Variants in GPC5 observed in about 807,000 individuals in gnomAD.
The protein encoded by GPC5 is glypican-5.
Under a neutral mutation model 53.9 loss-of-function variants are expected in GPC5, and 47 were observed. The observed-to-expected ratio is 0.87, with a 90% CI of 0.69 to 1.11. The LOEUF (loss-of-function observed/expected upper bound fraction) is 1.11. GPC5 is among the 50% of genes most tolerant of loss of function. The pLI is 0.00. For synonymous variants in GPC5, 286 were observed against 263.3 expected (o/e 1.09, Z -0.84); for missense variants, 748 against 713.1 (o/e 1.05, Z -0.56).
intron 6 of GPC5, among the ~76,000 whole-genome samples, chr13:92,093,805 T>A (rs1213684759): frequency 6.6e-6 from 1 of 152,202 alleles, no homozygotes; most frequent in Non-Finnish European, 1.5e-5. Flanking sequence ...AGAAAATGAA[T>A]CACTGAGAGT....
At chr13:91,408,467 G>C (rs1000463300) in intron 1 of GPC5, among the ~76,000 whole-genome samples, 3 of 151,980 alleles carry the variant, frequency 2.0e-5, no homozygotes, top group African/African-American at 7.3e-5. Context: ...TGGATACCTA[G>C]GTTTATCTAG....
intron 2 of GPC5, among the ~76,000 whole-genome samples, chr13:91,670,996 A>T (rs1337355041): frequency 1.3e-5 from 2 of 152,210 alleles, no homozygotes; most frequent in East Asian, 3.8e-4. Context: ...TTCATGTTTG[A>T]CATTGGTAAA....
chr13:92,283,957 G>A (rs946249790), intron 7 of GPC5, among the ~76,000 whole-genome samples: 14 of 152,254 alleles, frequency 9.2e-5, no homozygotes, highest in Admixed American at 8.5e-4. Flanking sequence ...CCAGGATCTG[G>A]TTTTTTGAAA....
At chr13:91,657,099 A>G (rs2034864240) in intron 2 of GPC5, among the ~76,000 whole-genome samples, 1 of 152,162 alleles carries the variant, frequency 6.6e-6, no homozygotes, top group Non-Finnish European at 1.5e-5. Flanking sequence ...GTTTTAAGCA[A>G]GGACATGATA....
intron 7 of GPC5, among the ~76,000 whole-genome samples, chr13:92,543,413 T>C (rs1369193279): frequency 1.6e-5 from 2 of 128,580 alleles, no homozygotes; most frequent in East Asian, 4.0e-4. Flanking sequence ...TTCCTTAAAA[T>C]ATTTATTTTG....
chr13:91,755,433 C>A (rs1013533237), intron 4 of GPC5, among the ~76,000 whole-genome samples: 1 of 152,018 alleles, frequency 6.6e-6, no homozygotes, highest in Non-Finnish European at 1.5e-5. Context: ...TAGGGCTTTT[C>A]ATTTCTTTTT....
chr13:91,615,426 A>G (rs146893546), intron 2 of GPC5, among the ~76,000 whole-genome samples: 1 of 152,170 alleles, frequency 6.6e-6, no homozygotes, highest in Non-Finnish European at 1.5e-5. Context: ...GACAAGAAAA[A>G]AAATCACCTT....
At position 91,497,308 on chromosome 13, in the gene GPC5, A is replaced by AT. The variant is rs10551030; in HGVS notation, c.325+48397dup. Among the ~76,000 whole-genome samples, 480 of 149,570 alleles carry AT rather than the reference A, an allele frequency of 3.2e-3. 3 individuals are homozygous for AT. Among genetic ancestry groups the AT allele is most frequent in the African/African-American group, 0.011 (441 of 40,278 alleles). Reference sequence around the variant, plus strand: ...GTCAGATATAGTTTATGCTTCAGATATTTTTTTTTTTAAACCAGTGAATTT... The same window carrying AT: ...GTCAGATATAGTTTATGCTTCAGATATTTTTTTTTTTTAAACCAGTGAATTT... On this transcript the variant is annotated intron_variant, in intron 2 of 7. Transcript: ENST00000377067.
intron 7 of GPC5, among the ~76,000 whole-genome samples, chr13:92,401,236 T>C (rs1875544286): frequency 6.6e-6 from 1 of 151,888 alleles, no homozygotes; most frequent in South Asian, 2.1e-4. Flanking sequence ...GTCTTCTCCA[T>C]AATACTTAAG....
At chr13:92,796,940 A>G (rs1208355527) in intron 7 of GPC5, among the ~76,000 whole-genome samples, 1 of 151,890 alleles carries the variant, frequency 6.6e-6, no homozygotes. Flanking sequence ...GTTGCTTTAC[A>G]TAATTTTGTT....
chr13:92,320,733 A>G (rs2043210260), intron 7 of GPC5, among the ~76,000 whole-genome samples: 1 of 152,186 alleles, frequency 6.6e-6, no homozygotes, highest in Non-Finnish European at 1.5e-5. Flanking sequence ...TCTGATTAAC[A>G]ACTAGAAAAA....
chr13:91,881,630 T>C (rs1451725931), intron 5 of GPC5, among the ~76,000 whole-genome samples: 2 of 152,204 alleles, frequency 1.3e-5, no homozygotes, highest in African/African-American at 4.8e-5. Context: ...CAGCATTAAC[T>C]TGGAATATTA....
intron 7 of GPC5, among the ~76,000 whole-genome samples, chr13:92,585,904 T>C (rs1363078607): frequency 1.3e-5 from 2 of 152,172 alleles, no homozygotes; most frequent in East Asian, 3.9e-4. Flanking sequence ...CCATCTGCCA[T>C]GATTGTGAGA....
chr13:92,264,530 G>A (rs562486244), intron 7 of GPC5, among the ~76,000 whole-genome samples: 162 of 152,108 alleles, frequency 1.1e-3, no homozygotes, highest in African/African-American at 3.6e-3. Flanking sequence ...TGAAAAAATG[G>A]AGCAAGGAGA....
chr13:92,176,771 C>T (rs2042111788), intron 7 of GPC5, among the ~76,000 whole-genome samples: 1 of 152,154 alleles, frequency 6.6e-6, no homozygotes, highest in East Asian at 1.9e-4. Flanking sequence ...TTCTCAGCCC[C>T]TAGTTTACTG....
intron 7 of GPC5, among the ~76,000 whole-genome samples, chr13:92,404,542 T>C (rs1276932603): frequency 1.3e-5 from 2 of 152,234 alleles, no homozygotes; most frequent in Non-Finnish European, 2.9e-5. Context: ...ATTCATACAA[T>C]AAAATTTTAT....
At chr13:91,984,163 C>T (rs929029897) in intron 6 of GPC5, among the ~76,000 whole-genome samples, 2 of 152,028 alleles carry the variant, frequency 1.3e-5, no homozygotes, top group Admixed American at 1.3e-4. Flanking sequence ...ATTGTTTTAG[C>T]AATTATTATT....
At chr13:92,587,520 CA>C (rs1050848578) in intron 7 of GPC5, among the ~76,000 whole-genome samples, 2 of 142,098 alleles carry the variant, frequency 1.4e-5, no homozygotes, top group Non-Finnish European at 3.2e-5. Flanking sequence ...TTTGTTAAAA[CA>C]GAATTAAAAA....
rs141837363 is a variant in GPC5 at position 92,813,657 on chromosome 13, A to G, written c.1562-52625A>G. On this transcript the variant is annotated intron_variant, in intron 7 of 7. Transcript: ENST00000377067. ...ATACTTTTAGTCAAAACTTTTTTCA[A>G]TGTTATATAAACAGTAGTATTCTTT... Among the ~76,000 whole-genome samples, 185 of 152,128 alleles carry G rather than the reference A, an allele frequency of 1.2e-3. 5 individuals carry two copies. Among genetic ancestry groups the G allele is most frequent in the African/African-American group, 4.3e-3 (180 of 41,414 alleles).
Sources: gnomAD v4.1 joint callset for allele counts (sites outside exome capture counted in the v4.1 genomes callset) on GRCh38, gnomAD v4.1.1 for gene constraint, MANE v1.5 for transcripts, NCBI Gene and HGNC (gene_info 2026-07-23, HGNC 2026-07-21) for gene names.